WDR1: variants seen among roughly 807,000 people sequenced by gnomAD.
WDR1 encodes WD repeat domain 1.
Under a neutral mutation model 71.9 loss-of-function variants are expected in WDR1, and 21 were observed. The observed-to-expected ratio is 0.29, with a 90% CI of 0.21 to 0.42. The LOEUF is 0.42. Among genes scored for constraint, WDR1 ranks in the 10% least tolerant of loss-of-function variants. The pLI, the probability that WDR1 is intolerant of heterozygous loss-of-function variation, is 1.00. For missense variants in WDR1, 696 were observed against 824.5 expected (o/e 0.84, Z 1.91); for synonymous variants, 424 against 347.4 (o/e 1.22, Z -2.45).
chr4:10,102,268 G>T (rs1224613628), intron 3 of WDR1, among the ~76,000 whole-genome samples: 2 of 152,202 alleles, frequency 1.3e-5, no homozygotes, highest in African/African-American at 4.8e-5. Flanking sequence ...AGAAAATTTG[G>T]GCCCAGGAAG....
chr4:10,099,847 G>A (rs1019205982), intron 3 of WDR1, among the ~76,000 whole-genome samples: 1 of 152,230 alleles, frequency 6.6e-6, no homozygotes, highest in Non-Finnish European at 1.5e-5. Context: ...GGTGTTGCGG[G>A]GGAAGGAGAA....
intron 13 of WDR1, 25 bp downstream of exon 13, chr4:10,077,728 A>G: frequency 6.5e-7 from 1 of 1,547,816 alleles, no homozygotes; most frequent in Non-Finnish European, 8.7e-7. Flanking sequence ...GCACGGGGAC[A>G]GAGGAGGAGC....
chr4:10,088,902 C>A (rs967065987), intron 5 of WDR1, among the ~76,000 whole-genome samples, 161 bp from the exon 6 acceptor site: 1 of 152,214 alleles, frequency 6.6e-6, no homozygotes, highest in Non-Finnish European at 1.5e-5. Context: ...CTGGGCAGTC[C>A]CTTAGTGGAG....
At chr4:10,103,289 GACACACACACAC>G (rs5856034) in intron 3 of WDR1, among the ~76,000 whole-genome samples, 97 of 147,020 alleles carry the variant, frequency 6.6e-4, no homozygotes, top group Middle Eastern at 3.5e-3. Flanking sequence ...CACACACACA[GACACACACACAC>G]ACACACACAC....
At position 10,098,938 on chromosome 4, in the gene WDR1, T is replaced by C. The variant is rs1302985400; in HGVS notation, c.377+54A>G. 14 of 1,609,938 alleles carry C rather than the reference T, an allele frequency of 8.7e-6. No individual in the cohort carries two copies. The African/African-American group carries it at 1.2e-4, about 14-fold the overall frequency. On this transcript the variant is annotated intron_variant, in intron 4 of 14. Coordinates refer to ENST00000499869, the MANE Select transcript of WDR1 (RefSeq NM_017491.5). ...ATCCCCCTCCCAGGGTCATAGCACA[T>C]GGACGCATGAGCCACAGCAACAGGG...
chr4:10,086,016 A>G (rs1219805596), intron 8 of WDR1, among the ~76,000 whole-genome samples: 1 of 152,178 alleles, frequency 6.6e-6, no homozygotes, highest in Non-Finnish European at 1.5e-5. Flanking sequence ...CAGCAGTGGT[A>G]TTAGGAAGAG....
At chr4:10,088,846 G>T in intron 5 of WDR1, 105 bp from the exon 6 acceptor site, 1 of 892,098 alleles carries the variant, frequency 1.1e-6, no homozygotes. Flanking sequence ...GTTCATCAGT[G>T]TGAACTGTTA....
chr4:10,110,292 C>T (rs1389997142), intron 2 of WDR1, among the ~76,000 whole-genome samples: 6 of 152,190 alleles, frequency 3.9e-5, no homozygotes, highest in Non-Finnish European at 8.8e-5. Flanking sequence ...CACAGCTGTC[C>T]CTAACAAGGG....
intron 14 of WDR1, chr4:10,075,919 G>T: frequency 5.5e-6 from 1 of 181,888 alleles, no homozygotes; most frequent in Non-Finnish European, 1.2e-5. Flanking sequence ...GAACACACAG[G>T]ACTGGGGGGG....
intron 2 of WDR1, among the ~76,000 whole-genome samples, chr4:10,108,789 C>T (rs1246769942): frequency 6.6e-6 from 1 of 152,228 alleles, no homozygotes; most frequent in African/African-American, 2.4e-5. Context: ...AGGCAAAGGG[C>T]TTCTCCTCCA....
chr4:10,103,812 A>G, intron 3 of WDR1, 84 bp downstream of exon 3: 1 of 682,590 alleles, frequency 1.5e-6, no homozygotes. Flanking sequence ...CACTCTCCCA[A>G]GGCCAGAAGC....
rs1165663948 is a variant in WDR1, at chr4:10,078,872, G to A, written c.1395+19C>T. 1.4e-5 allele frequency: 22 copies of A among 1,602,454 alleles called. No individual in the cohort carries two copies. Among genetic ancestry groups the A allele is most frequent in the Non-Finnish European group, 1.9e-5 (22 of 1,170,662 alleles). On this transcript the variant is annotated intron_variant, in intron 12 of 14. Coordinates refer to ENST00000499869, the MANE Select transcript of WDR1 (RefSeq NM_017491.5). Reference sequence around the variant, plus strand: ...AGATACCAAGGACAGAGAGCACGGGGGAGAGGAAAGCGACTTACCACACCC... The same window carrying A: ...AGATACCAAGGACAGAGAGCACGGGAGAGAGGAAAGCGACTTACCACACCC...
chr4:10,077,803 A>G lies in WDR1; in HGVS notation c.1519T>C (p.Cys507Arg). ...YSHDGAFLAV[C>R]DASKVVTVFS... ...ACTGTGACCACCTTGCTGGCGTCGC[A>G]CACCGCGAGGAAGGCGCCGTCGTGG... The change falls in exon 13 of 15, where the codon TGC (cysteine) becomes CGC (arginine). Residue 507 changes from cysteine (C) to arginine (R), a missense_variant. By Grantham distance (180) the Cys-to-Arg change is radical. Transcript: ENST00000499869. 6.2e-7 allele frequency: 1 copy of G among 1,605,050 alleles called. No individual in the cohort carries two copies. Among genetic ancestry groups the G allele is most frequent in the Non-Finnish European group, 8.5e-7 (1 of 1,176,064 alleles).
chr4:10,082,987 T>A (rs1472533582), intron 10 of WDR1, 35 bp downstream of exon 10: 2 of 1,584,256 alleles, frequency 1.3e-6, no homozygotes, highest in Non-Finnish European at 8.6e-7. Flanking sequence ...GAGCTGAGGC[T>A]CATCCGGAAC....
rs1251499191 is a variant in WDR1, at chr4:10,101,581, G to A, written c.229+2315C>T. Among the ~76,000 whole-genome samples the A allele has an allele frequency of 2.6e-5, 4 of 152,248 alleles. No homozygotes were observed. The East Asian group carries it at 7.7e-4, about 29-fold the overall frequency. ...TCCCTTGGCTCCTCTACAAAATCAG[G>A]GCACTTTTCAGGGAGGACAGCGTCC... On this transcript the variant is annotated intron_variant, in intron 3 of 14. Transcript: ENST00000499869.
rs115893056 is a variant in WDR1, at chr4:10,101,456, G to T, written c.230-2317C>A. Among the ~76,000 whole-genome samples, 595 of 152,182 alleles carry T rather than the reference G, an allele frequency of 3.9e-3. 6 individuals carry two copies. Among genetic ancestry groups the T allele is most frequent in the African/African-American group, 0.013 (558 of 41,492 alleles). ...TCATCTCTGCAGCAAACGTTCCAAT[G>T]TAAGCCTTAACAATTGCTTCGCTCT... On this transcript the variant is annotated intron_variant, in intron 3 of 14. Transcript: ENST00000499869.
intron 5 of WDR1, chr4:10,094,628 T>C (rs1003835143): frequency 4.6e-5 from 7 of 152,318 alleles, no homozygotes; most frequent in African/African-American, 1.7e-4. Flanking sequence ...GCCCAGGGTC[T>C]CCTTTCAGAA....
rs1248174096 is a variant in WDR1 at position 10,083,263 on chromosome 4, C to A, written c.1040-85G>T. 4.1e-6 allele frequency: 6 copies of A among 1,471,246 alleles called. No homozygotes were observed. In the Admixed American group the frequency reaches 1.1e-4, roughly 27 times the overall value. The allele number at this position is 1,471,246 out of a possible 1,614,324, so 91.1% of individuals were successfully genotyped here. The stretch of plus-strand genomic sequence containing the variant: ...CTTCAGTCCTAAGATTCTCCATTTA[C>A]ATCAAGAATGAGAATCTCGCCGCAA... On this transcript the variant is annotated intron_variant, in intron 9 of 14. Transcript: ENST00000499869.
At chr4:10,100,624 C>T (rs1712628992) in intron 3 of WDR1, among the ~76,000 whole-genome samples, 1 of 152,198 alleles carries the variant, frequency 6.6e-6, no homozygotes, top group Non-Finnish European at 1.5e-5. Flanking sequence ...ATCCAGTGAA[C>T]AGCACTAACT....
Sources: gnomAD v4.1 joint callset for allele counts (sites outside exome capture counted in the v4.1 genomes callset) on GRCh38, gnomAD v4.1.1 for gene constraint, MANE v1.5 for transcripts, NCBI Gene and HGNC (gene_info 2026-07-23, HGNC 2026-07-21) for gene names.